TTC8: variants seen among roughly 807,000 people sequenced by gnomAD.
TTC8 encodes tetratricopeptide repeat protein 8.
TTC8 carries 47 observed loss-of-function variants against 72.5 expected under a neutral mutation model. The ratio of observed to expected loss-of-function variants is 0.65; its 90% CI spans 0.51 to 0.83. The LOEUF is 0.83. Among genes scored for constraint, TTC8 ranks in the 40% least tolerant of loss-of-function variants. The pLI is 0.00. For synonymous variants in TTC8, 199 were observed against 221.4 expected, an observed-to-expected ratio of 0.90 and a Z score of 0.90; for missense variants, 611 against 623.2, an observed-to-expected ratio of 0.98 and a Z score of 0.21.
chr14:88,837,017 C>T (rs749968015), intron 2 of TTC8: 17 of 264,402 alleles, frequency 6.4e-5, no homozygotes, highest in South Asian at 9.4e-5. Flanking sequence ...GCCGAGATCA[C>T]GCCATTGTAC....
chr14:88,869,949 T>C (rs556668982), intron 10 of TTC8, 110 bp from the exon 11 acceptor site: 1 of 1,106,692 alleles, frequency 9.0e-7, no homozygotes, highest in East Asian at 2.5e-5. Context: ...TGGCACATGG[T>C]AGCCTCTCAA....
chr14:88,876,400 T>C (rs1205117095), intron 14 of TTC8, among the ~76,000 whole-genome samples: 1 of 152,200 alleles, frequency 6.6e-6, no homozygotes, highest in Non-Finnish European at 1.5e-5. Context: ...TTTTTGAGTG[T>C]ATACATGAAA....
chr14:88,861,319 C>A lies in TTC8; in HGVS notation c.896C>A (p.Ala299Glu), dbSNP rs1471647859. The A allele has an allele frequency of 1.9e-6, 3 of 1,606,584 alleles. No homozygotes were observed. Among genetic ancestry groups the A allele is most frequent in the Non-Finnish European group, 2.6e-6 (3 of 1,174,290 alleles). ...PGEVTLLCGI[A>E]RIYEEMNNMS... ...GAAGTAACCCTGCTCTGTGGAATTGCAAGAATCTATGAGGTAATTCATGTT... is the reference window on the plus strand; with the variant it reads ...GAAGTAACCCTGCTCTGTGGAATTGAAAGAATCTATGAGGTAATTCATGTT... The change falls in exon 10 of 15, where the codon GCA (alanine) becomes GAA (glutamate). Residue 299 changes from alanine to glutamate, a missense_variant. By Grantham distance (107) the Ala-to-Glu change is moderately radical. Transcript: ENST00000380656.
At chr14:88,862,521 ATT>A (rs2094890272) in intron 10 of TTC8, among the ~76,000 whole-genome samples, 2 of 96,046 alleles carry the variant, frequency 2.1e-5, no homozygotes, top group Non-Finnish European at 4.1e-5. Flanking sequence ...ATTACATTCC[ATT>A]CTCTCTCTCT....
chr14:88,828,890 A>C (rs1410221732), intron 1 of TTC8, among the ~76,000 whole-genome samples: 5 of 152,210 alleles, frequency 3.3e-5, no homozygotes, highest in Admixed American at 3.3e-4. Flanking sequence ...ATTGCCTTGT[A>C]TTTTCTATTA....
chr14:88,864,680 C>G (rs2094902423), intron 10 of TTC8, among the ~76,000 whole-genome samples: 2 of 152,160 alleles, frequency 1.3e-5, no homozygotes. Flanking sequence ...GACAATCATG[C>G]ACAAATAGAG....
At chr14:88,836,483 C>T (rs562119506) in intron 2 of TTC8, among the ~76,000 whole-genome samples, 45 of 137,792 alleles carry the variant, frequency 3.3e-4, no homozygotes, top group Admixed American at 4.2e-4. Flanking sequence ...AGAGTGAGAG[C>T]CTGTCTTAAA....
intron 8 of TTC8, among the ~76,000 whole-genome samples, chr14:88,853,426 T>C (rs899504687): frequency 3.3e-5 from 5 of 152,192 alleles, no homozygotes; most frequent in Admixed American, 6.5e-5. Flanking sequence ...TCTTTTTATT[T>C]ACACTGATGC....
intron 7 of TTC8, 77 bp from the exon 8 acceptor site, chr14:88,852,894 T>G: frequency 8.4e-7 from 1 of 1,196,484 alleles, no homozygotes; most frequent in Non-Finnish European, 1.2e-6. Flanking sequence ...AATTATATGG[T>G]CTATTTCATT....
chr14:88,824,730 T>C lies in TTC8; in HGVS notation c.23T>C (p.Leu8Pro). The change falls in exon 1 of 15, where the codon CTG (leucine) becomes CCG (proline). Residue 8 changes from leucine to proline, a missense_variant. Transcript: ENST00000380656. ...GCCATGAGCTCGGAGATGGAGCCGC[T>C]GCTCCTGGCCTGGAGCTATTTTAGG... MSSEMEP[L>P]LLAWSYFRRR... 6.2e-7 allele frequency: 1 copy of C among 1,610,850 alleles called. No homozygotes were observed. The highest frequency in any genetic ancestry group is 8.5e-7 in the Non-Finnish European group (1 of 1,178,822).
downstream of TTC8, chr14:88,878,022 A>G (rs1456325491): frequency 6.6e-6 from 1 of 152,202 alleles, no homozygotes; most frequent in African/African-American, 2.4e-5. Context: ...TTTTTATTTT[A>G]GTCATCTCAG....
At chr14:88,848,123 CAAAAAAAAAAAA>C (rs58210253) in intron 7 of TTC8, among the ~76,000 whole-genome samples, 1 of 17,690 alleles carries the variant, frequency 5.7e-5, no homozygotes, top group African/African-American at 1.3e-4. Context: ...AACTCTGTCT[CAAAAAAAAAAAA>C]AAAAAAAAAA....
chr14:88,862,818 G>A (rs2094894290), intron 10 of TTC8, among the ~76,000 whole-genome samples: 1 of 150,608 alleles, frequency 6.6e-6, no homozygotes, highest in Non-Finnish European at 1.5e-5. Context: ...CTGGCATCAT[G>A]CTTATAAATT....
At chr14:88,855,950 T>A (rs2094853833) in intron 8 of TTC8, among the ~76,000 whole-genome samples, 1 of 152,204 alleles carries the variant, frequency 6.6e-6, no homozygotes, top group South Asian at 2.1e-4. Context: ...TCGGGCATAG[T>A]GGTACATGTC....
rs534043677 is a variant in TTC8 at position 88,847,352 on chromosome 14, G to C, written c.624+3502G>C. Among the ~76,000 whole-genome samples the C allele has an allele frequency of 3.3e-4, 50 of 152,240 alleles. 1 individual carries two copies. The South Asian group carries it at 0.01, about 31-fold the overall frequency. On this transcript the variant is annotated intron_variant, in intron 7 of 14. Transcript: ENST00000380656. Reference sequence around the variant, plus strand: ...AGGGAGGTGTGTTACCTGTCTCAATGAAAGAAATCAGCAAATGAAGAGAAA... The same window carrying C: ...AGGGAGGTGTGTTACCTGTCTCAATCAAAGAAATCAGCAAATGAAGAGAAA...
Position 88,841,080 on chromosome 14 carries a change from C to T in TTC8, c.373C>T (p.Pro125Ser). 1.2e-6 allele frequency: 2 copies of T among 1,614,100 alleles called. No homozygotes were observed. The highest frequency in any genetic ancestry group is 1.7e-6 in the Non-Finnish European group (2 of 1,180,002). Residue 125 changes from proline to serine, a missense_variant, in exon 5 of 15, where the codon CCC (proline) becomes TCC (serine). Coordinates refer to ENST00000380656, the MANE Select transcript of TTC8 (RefSeq NM_144596.4). ...AGRPITGFLR[P>S]STQSGRPGTM... ...AAGACCCATTACAGGTTTCCTCAGG[C>T]CCAGCACGCAGAGTGGAAGGCCAGG...
intron 9 of TTC8, among the ~76,000 whole-genome samples, chr14:88,859,859 T>TATATAATATAAATATATTTATATTATATA (rs2094876166): frequency 7.0e-6 from 1 of 143,798 alleles, no homozygotes; most frequent in Admixed American, 7.1e-5. Context: ...TATATAATCA[T>TATATAATATAAATATATTTATATTATATA]ATATAATATA....
chr14:88,854,916 G>A (rs2094849382), intron 8 of TTC8, among the ~76,000 whole-genome samples: 1 of 152,084 alleles, frequency 6.6e-6, no homozygotes, highest in African/African-American at 2.4e-5. Context: ...TGAACCCCTG[G>A]ACTCACACCA....
intron 1 of TTC8, among the ~76,000 whole-genome samples, chr14:88,825,105 A>G (rs970111147): frequency 6.6e-6 from 1 of 152,180 alleles, no homozygotes; most frequent in African/African-American, 2.4e-5. Flanking sequence ...CCTGAACTTT[A>G]CTTGACGAGG....
Sources: gnomAD v4.1 joint callset for allele counts (sites outside exome capture counted in the v4.1 genomes callset) on GRCh38, gnomAD v4.1.1 for gene constraint, MANE v1.5 for transcripts, NCBI Gene and HGNC (gene_info 2026-07-23, HGNC 2026-07-21) for gene names.